BBS9: variants seen among roughly 807,000 people sequenced by gnomAD.
BBS9 encodes the protein Bardet-Biedl syndrome 9, also known as protein PTHB1.
A neutral mutation model predicts 117.7 loss-of-function variants in BBS9; 89 were observed. The observed-to-expected ratio is 0.76, with a 90% confidence interval of 0.64 to 0.90. The LOEUF is 0.90. Ranked by LOEUF, BBS9 falls within the 40% of genes least tolerant of loss-of-function variation. The pLI is 0.00. For missense variants in BBS9, 982 were observed against 1,042.2 expected (o/e 0.94, Z 0.80); for synonymous variants, 379 against 370.9 (o/e 1.02, Z -0.25).
chr7:33,445,349 T>C (rs945632893), intron 19 of BBS9, among the ~76,000 whole-genome samples: 1 of 152,216 alleles, frequency 6.6e-6, no homozygotes, highest in Non-Finnish European at 1.5e-5. Context: ...TCATAATCCC[T>C]TTTCCCTCAT....
chr7:33,219,472 T>G (rs1019243075), intron 5 of BBS9, among the ~76,000 whole-genome samples: 34 of 152,190 alleles, frequency 2.2e-4, no homozygotes, highest in African/African-American at 7.7e-4. Context: ...CCTTTATGTC[T>G]AGCTCGGGGA....
intron 9 of BBS9, among the ~76,000 whole-genome samples, chr7:33,328,403 AG>A (rs1813283029): frequency 6.6e-6 from 1 of 152,230 alleles, no homozygotes; most frequent in African/African-American, 2.4e-5. Flanking sequence ...GTTGTATAGC[AG>A]ATGCTCAATA....
chr7:33,404,887 T>C (rs1422436124), intron 19 of BBS9, among the ~76,000 whole-genome samples: 2 of 152,106 alleles, frequency 1.3e-5, no homozygotes, highest in Non-Finnish European at 2.9e-5. Context: ...CTATGTTGAA[T>C]AGGAGTAGTG....
intron 19 of BBS9, among the ~76,000 whole-genome samples, chr7:33,405,979 T>C (rs564745186): frequency 3.9e-5 from 6 of 152,188 alleles, no homozygotes; most frequent in Non-Finnish European, 1.5e-5. Context: ...CTTGTGGGCA[T>C]TTAGTGCTAT....
At chr7:33,344,438 CT>C in intron 11 of BBS9, 142 bp from the exon 12 acceptor site, 1 of 830,138 alleles carries the variant, frequency 1.2e-6, no homozygotes, top group Non-Finnish European at 2.0e-6. Context: ...CAGATTGTCT[CT>C]TTTAGTCTGT....
intron 5 of BBS9, among the ~76,000 whole-genome samples, chr7:33,200,467 A>C (rs1296147374): frequency 1.3e-5 from 2 of 152,150 alleles, no homozygotes; most frequent in Admixed American, 6.5e-5. Flanking sequence ...GAATTATGTA[A>C]ATATTACTCA....
At chr7:33,616,296 A>G (rs1371316950) in intron 21 of BBS9, among the ~76,000 whole-genome samples, 2 of 150,952 alleles carry the variant, frequency 1.3e-5, no homozygotes, top group African/African-American at 4.8e-5. Flanking sequence ...GAATGACAAC[A>G]ATGATACAAG....
chr7:33,545,387 G>T (rs7799007), intron 21 of BBS9, among the ~76,000 whole-genome samples: 70,498 of 151,444 alleles, frequency 0.47, 16,928 homozygotes, highest in South Asian at 0.58. Context: ...CCTTTCTGCT[G>T]CTTCCTCTAT....
At chr7:33,626,510 G>T (rs370121381) in intron 21 of BBS9, among the ~76,000 whole-genome samples, 1 of 152,314 alleles carries the variant, frequency 6.6e-6, no homozygotes, top group East Asian at 1.9e-4. Flanking sequence ...GTAACAGAAA[G>T]TTTGGAACTT....
rs759013829 is a variant in BBS9, at chr7:33,155,624, T to G, written c.264-14T>G. ...TAATATTGGAAAACTTTAAAAACTT[T>G]CTCTGTTTTTCAGAGGTACCGAAAT... On this transcript the variant is annotated splice_polypyrimidine_tract_variant and intron_variant, in intron 3 of 22. Transcript: ENST00000242067. The G allele has an allele frequency of 1.2e-5, 19 of 1,582,244 alleles. No homozygotes were observed. Among genetic ancestry groups the G allele is most frequent in the Middle Eastern group, 1.7e-4 (1 of 6,034 alleles).
intron 17 of BBS9, among the ~76,000 whole-genome samples, chr7:33,379,679 G>A (rs570987433): frequency 6.6e-6 from 1 of 152,202 alleles, no homozygotes; most frequent in East Asian, 1.9e-4. Flanking sequence ...GTGCTGTGTA[G>A]GTCCAAAGAA....
At chr7:33,608,399 T>C (rs1864694093), downstream of BBS9, among the ~76,000 whole-genome samples, 1 of 152,122 alleles carries the variant, frequency 6.6e-6, no homozygotes, top group South Asian at 2.1e-4. Context: ...TTTGGATATA[T>C]ACTCAGTAGT....
chr7:33,594,612 T>TGACA (rs1170529626), intron 21 of BBS9, among the ~76,000 whole-genome samples: 1 of 152,086 alleles, frequency 6.6e-6, no homozygotes, highest in Non-Finnish European at 1.5e-5. Context: ...TGCCTCTATA[T>TGACA]GACAACACAG....
intron 21 of BBS9, among the ~76,000 whole-genome samples, chr7:33,627,002 TTACTAGCCAAGACAATGGGGAAGA>T (rs1865667469): frequency 6.6e-6 from 1 of 152,212 alleles, no homozygotes; most frequent in Non-Finnish European, 1.5e-5. Context: ...GAGCCAAATA[TTACTAGCCAAGACAATGGGGAAGA>T]TGCCTGGAAG....
intron 21 of BBS9, among the ~76,000 whole-genome samples, chr7:33,538,321 A>C (rs992826956): frequency 3.3e-5 from 5 of 152,220 alleles, no homozygotes; most frequent in Non-Finnish European, 5.9e-5. Flanking sequence ...TCATTTTGAG[A>C]TGTGGTAGGG....
chr7:33,352,719 T>C, intron 14 of BBS9, 140 bp from the exon 15 acceptor site: 1 of 945,556 alleles, frequency 1.1e-6, no homozygotes, highest in Non-Finnish European at 1.7e-6. Flanking sequence ...TGGAGAGTCA[T>C]TTAAGTCATC....
At chr7:33,361,042 A>G (rs1264670385) in intron 16 of BBS9, among the ~76,000 whole-genome samples, 1 of 152,208 alleles carries the variant, frequency 6.6e-6, no homozygotes, top group African/African-American at 2.4e-5. Flanking sequence ...AAATAGCTAT[A>G]TAGTAATGAT....
At chr7:33,331,422 C>T (rs1814016778) in intron 9 of BBS9, among the ~76,000 whole-genome samples, 1 of 151,972 alleles carries the variant, frequency 6.6e-6, no homozygotes. Context: ...CTAGCCAGAG[C>T]AATCAGACAA....
At chr7:33,355,481 C>T (rs1819456928) in intron 15 of BBS9, among the ~76,000 whole-genome samples, 1 of 151,630 alleles carries the variant, frequency 6.6e-6, no homozygotes, top group Non-Finnish European at 1.5e-5. Context: ...ACTTTTTCTC[C>T]CTAATGGTAA....
Sources: allele counts gnomAD v4.1 joint callset (sites outside exome capture counted in the v4.1 genomes callset), GRCh38; gene constraint gnomAD v4.1.1; transcripts MANE v1.5; gene names NCBI Gene and HGNC (gene_info 2026-07-23, HGNC 2026-07-21).